Variants in SMOC2 observed in about 807,000 individuals in gnomAD.
SMOC2 encodes the protein SPARC related modular calcium binding 2, also known as SPARC-related modular calcium-binding protein 2.
Under a neutral mutation model 61.4 loss-of-function variants are expected in SMOC2, and 39 were observed. The observed-to-expected ratio is 0.64, with a 90% CI of 0.49 to 0.83. The LOEUF (loss-of-function observed/expected upper bound fraction) is 0.83. Ranked by LOEUF, SMOC2 falls within the 40% of genes least tolerant of loss-of-function variation. SMOC2 has a pLI of 0.00. For synonymous variants in SMOC2, 247 were observed against 239.9 expected (o/e 1.03, Z -0.27); for missense variants, 556 against 592.9 (o/e 0.94, Z 0.65).
At chr6:168,625,730 A>G (rs1337757064) in intron 9 of SMOC2, among the ~76,000 whole-genome samples, 1 of 152,172 alleles carries the variant, frequency 6.6e-6, no homozygotes. Flanking sequence ...GGGCCCCAGG[A>G]GCAAATGAAA....
chr6:168,516,203 C>T (rs1404966123), intron 2 of SMOC2, among the ~76,000 whole-genome samples: 1 of 152,128 alleles, frequency 6.6e-6, no homozygotes, highest in African/African-American at 2.4e-5. Flanking sequence ...TAGCCATTGA[C>T]CTTGAATAGA....
At chr6:168,448,771 A>G (rs1043729288) in intron 1 of SMOC2, among the ~76,000 whole-genome samples, 1 of 152,160 alleles carries the variant, frequency 6.6e-6, no homozygotes, top group Non-Finnish European at 1.5e-5. Flanking sequence ...GTACTAATTA[A>G]CATATTCGTA....
At chr6:168,655,391 G>T (rs1175440353) in intron 11 of SMOC2, 1 of 456,650 alleles carries the variant, frequency 2.2e-6, no homozygotes, top group Non-Finnish European at 4.4e-6. Context: ...ACCCAACCGT[G>T]ACAGGAAGTA....
At chr6:168,558,715 G>A (rs1784307297) in intron 7 of SMOC2, among the ~76,000 whole-genome samples, 1 of 152,210 alleles carries the variant, frequency 6.6e-6, no homozygotes, top group South Asian at 2.1e-4. Context: ...GGCAAATAGG[G>A]ATTCAGGGCA....
intron 7 of SMOC2, among the ~76,000 whole-genome samples, chr6:168,573,670 T>A (rs997481975): frequency 1.3e-5 from 2 of 152,074 alleles, no homozygotes; most frequent in Non-Finnish European, 2.9e-5. Flanking sequence ...CCGTGGCCCC[T>A]GCGTGCCCTG....
In SMOC2 at chr6:168,650,774, C is replaced by T. The variant is rs774971325; in HGVS notation, c.1001C>T (p.Ser334Leu). 47 of 1,611,078 alleles carry T rather than the reference C, an allele frequency of 2.9e-5. No homozygotes were observed. In the Middle Eastern group the frequency reaches 1.8e-3, roughly 62 times the overall value. Residue 334 changes from serine to leucine, a missense_variant, in exon 10 of 13, where the codon TCG (serine) becomes TTG (leucine). Coordinates refer to ENST00000356284, the MANE Select transcript of SMOC2 (RefSeq NM_001166412.2). ...CACGCCGCCTCCGACCCCTCCTCCT[C>T]GTCAGGCAGGTACGCTGTGTTCGCC... ...MVHAASDPSS[S>L]SGRLSEPDPS... is the part of the protein sequence containing the mutation.
intron 2 of SMOC2, among the ~76,000 whole-genome samples, chr6:168,523,101 A>G (rs1173577434): frequency 1.6e-4 from 1 of 6,200 alleles, no homozygotes; most frequent in African/African-American, 2.0e-4. Flanking sequence ...TTTTTTTTTG[A>G]GACGGAGTCT....
chr6:168,554,520 G>A (rs138886802), intron 7 of SMOC2, among the ~76,000 whole-genome samples: 519 of 152,324 alleles, frequency 3.4e-3, no homozygotes, highest in African/African-American at 0.012. Context: ...CCTGGAAGGG[G>A]TGGGGGTGGA....
intron 1 of SMOC2, among the ~76,000 whole-genome samples, chr6:168,504,770 CTCT>C (rs34432133): frequency 0.031 from 4,740 of 152,244 alleles, 343 homozygotes; most frequent in East Asian, 0.21. Flanking sequence ...CTAGGGCAGG[CTCT>C]TCTTCAAAAT....
At position 168,644,576 on chromosome 6, in the gene SMOC2, T is replaced by C. The variant is rs929506954; in HGVS notation, c.908-6105T>C. 4.0e-5 allele frequency among the ~76,000 whole-genome samples: 6 copies of C among 151,766 alleles called. 1 individual carries two copies. The highest frequency in any genetic ancestry group is 1.5e-4 in the African/African-American group (6 of 41,308). ...GGAGAAACTACCTGGTACCCAGAGC[T>C]CTTTCCAGGCACCCAGCTATGCACA... On this transcript the variant is annotated intron_variant, in intron 9 of 12. Coordinates refer to ENST00000356284, the MANE Select transcript of SMOC2 (RefSeq NM_001166412.2).
intron 9 of SMOC2, among the ~76,000 whole-genome samples, chr6:168,615,545 C>T (rs1786058024): frequency 8.8e-6 from 1 of 113,900 alleles, no homozygotes; most frequent in African/African-American, 3.2e-5. Context: ...ACAGCCGGCA[C>T]AGGGCCTCTT....
chr6:168,529,069 G>C (rs1783521624), intron 4 of SMOC2, among the ~76,000 whole-genome samples: 1 of 152,178 alleles, frequency 6.6e-6, no homozygotes, highest in African/African-American at 2.4e-5. Context: ...AACTTTCTTA[G>C]AAAACATGTG....
chr6:168,512,797 C>A (rs1783039137), intron 2 of SMOC2, among the ~76,000 whole-genome samples: 1 of 152,124 alleles, frequency 6.6e-6, no homozygotes, highest in Non-Finnish European at 1.5e-5. Context: ...TGAGGGAGTG[C>A]CAGCCCCTTC....
intron 1 of SMOC2, among the ~76,000 whole-genome samples, chr6:168,508,065 G>T (rs935760698): frequency 2.6e-5 from 4 of 152,130 alleles, no homozygotes; most frequent in African/African-American, 9.7e-5. Flanking sequence ...ACCCCGCCTG[G>T]ATTTCTGGTG....
At chr6:168,513,545 T>G (rs1160556437) in intron 2 of SMOC2, among the ~76,000 whole-genome samples, 2 of 152,160 alleles carry the variant, frequency 1.3e-5, no homozygotes, top group Non-Finnish European at 2.9e-5. Flanking sequence ...TTTATTCAAG[T>G]GGACAACTGA....
chr6:168,512,945 A>G (rs1050395572), intron 2 of SMOC2, among the ~76,000 whole-genome samples: 2 of 152,268 alleles, frequency 1.3e-5, no homozygotes, highest in African/African-American at 2.4e-5. Context: ...TGAAAGATCT[A>G]TATATATACA....
At chr6:168,612,779 T>G (rs6938556) in intron 9 of SMOC2, among the ~76,000 whole-genome samples, 136,651 of 152,238 alleles carry the variant, frequency 0.9, 61,418 homozygotes, top group Middle Eastern at 0.98. Flanking sequence ...CACAACCTTG[T>G]CAGAGAGGAG....
intron 9 of SMOC2, among the ~76,000 whole-genome samples, chr6:168,630,381 A>C (rs992367538): frequency 2.0e-5 from 3 of 152,198 alleles, no homozygotes; most frequent in Non-Finnish European, 4.4e-5. Context: ...ATCTCTAAAC[A>C]TAAGTTGTGA....
chr6:168,651,214 A>G (rs1367960063), intron 10 of SMOC2, among the ~76,000 whole-genome samples: 1 of 152,262 alleles, frequency 6.6e-6, no homozygotes, highest in Non-Finnish European at 1.5e-5. Flanking sequence ...TGTACAGCAC[A>G]TACATTTGCT....
Sources: allele counts gnomAD v4.1 joint callset (sites outside exome capture counted in the v4.1 genomes callset), GRCh38; gene constraint gnomAD v4.1.1; transcripts MANE v1.5; gene names NCBI Gene and HGNC (gene_info 2026-07-23, HGNC 2026-07-21).